SMYD3: variants seen among roughly 807,000 people sequenced by gnomAD.
The protein encoded by SMYD3 is histone-lysine N-methyltransferase SMYD3.
Under a neutral mutation model 57.7 loss-of-function variants are expected in SMYD3, and 36 were observed. The ratio of observed to expected loss-of-function variants is 0.62; its 90% CI spans 0.48 to 0.82. SMYD3 has a LOEUF of 0.82. Among genes scored for constraint, SMYD3 ranks in the 40% least tolerant of loss-of-function variants. SMYD3 has a pLI of 0.00. For missense variants in SMYD3, 515 were observed against 538.8 expected (o/e 0.96, Z 0.44); for synonymous variants, 211 against 195.0 (o/e 1.08, Z -0.68).
chr1:246,233,245 A>G (rs1223327915), intron 5 of SMYD3, among the ~76,000 whole-genome samples: 3 of 105,670 alleles, frequency 2.8e-5, no homozygotes, highest in African/African-American at 7.3e-5. Flanking sequence ...GAGGAGAAGC[A>G]CTCCTTCAAT....
chr1:246,264,672 A>G (rs749579007), intron 5 of SMYD3, among the ~76,000 whole-genome samples: 10 of 152,204 alleles, frequency 6.6e-5, no homozygotes, highest in Non-Finnish European at 1.5e-4. Context: ...AAGAGTATGC[A>G]ATCTGAACCA....
In SMYD3 at chr1:246,049,267, G is replaced by A. The variant is rs545583796; in HGVS notation, c.532-119330C>T. Among the ~76,000 whole-genome samples the A allele has an allele frequency of 3.3e-5, 5 of 152,124 alleles. No individual in the cohort carries two copies. The South Asian group carries it at 6.2e-4, about 19-fold the overall frequency. ...AAGCCACCTCACAAAAAACAGAGTCGTTAAATATATACTATGTGTTTTTTT... is the reference window on the plus strand; with the variant it reads ...AAGCCACCTCACAAAAAACAGAGTCATTAAATATATACTATGTGTTTTTTT... On this transcript the variant is annotated intron_variant, in intron 5 of 11. Transcript: ENST00000490107.
chr1:246,358,317 A>AT (rs2148709873), intron 1 of SMYD3, among the ~76,000 whole-genome samples: 1 of 152,306 alleles, frequency 6.6e-6, no homozygotes, highest in East Asian at 1.9e-4. Flanking sequence ...TTATAAAACA[A>AT]TTACTAATAG....
At chr1:245,814,157 G>A (rs1331568819) in intron 10 of SMYD3, among the ~76,000 whole-genome samples, 1 of 152,062 alleles carries the variant, frequency 6.6e-6, no homozygotes, top group Non-Finnish European at 1.5e-5. Context: ...TCTAGCCTGG[G>A]AGGAAAACGT....
chr1:245,797,848 AGGTGG>A (rs2047614289), intron 10 of SMYD3, among the ~76,000 whole-genome samples: 1 of 138,938 alleles, frequency 7.2e-6, no homozygotes, highest in African/African-American at 2.5e-5. Context: ...AAAAAAAAAA[AGGTGG>A]ATCAAGACAC....
intron 2 of SMYD3, among the ~76,000 whole-genome samples, chr1:246,343,602 T>A (rs2065664175): frequency 6.6e-6 from 1 of 152,168 alleles, no homozygotes; most frequent in Admixed American, 6.5e-5. Context: ...GAAAAATAGA[T>A]GAGAAAGAGA....
intron 10 of SMYD3, among the ~76,000 whole-genome samples, chr1:245,766,914 G>C (rs1361128814): frequency 6.6e-6 from 1 of 152,110 alleles, no homozygotes; most frequent in Non-Finnish European, 1.5e-5. Context: ...GCTTGTCCAG[G>C]GGCACTTCCA....
At chr1:246,361,042 T>A (rs1226734013) in intron 1 of SMYD3, among the ~76,000 whole-genome samples, 1 of 152,086 alleles carries the variant, frequency 6.6e-6, no homozygotes, top group Admixed American at 6.6e-5. Context: ...ATCTTCACAA[T>A]CTATACATCC....
At chr1:246,302,965 T>C (rs1397667503) in intron 5 of SMYD3, among the ~76,000 whole-genome samples, 1 of 152,124 alleles carries the variant, frequency 6.6e-6, no homozygotes, top group Non-Finnish European at 1.5e-5. Flanking sequence ...ACCACAAATA[T>C]GTGGGTCTTC....
intron 5 of SMYD3, among the ~76,000 whole-genome samples, chr1:245,953,693 A>G (rs1254269999): frequency 6.6e-6 from 1 of 152,162 alleles, no homozygotes; most frequent in East Asian, 1.9e-4. Context: ...TGCCGGGATC[A>G]CAGGCATGAG....
chr1:245,781,617 T>C (rs1004182757), intron 10 of SMYD3, among the ~76,000 whole-genome samples: 3 of 152,324 alleles, frequency 2.0e-5, no homozygotes, highest in South Asian at 2.1e-4. Flanking sequence ...ATTAAAAATA[T>C]ACAATTTAAA....
intron 1 of SMYD3, among the ~76,000 whole-genome samples, chr1:246,486,389 AACT>A (rs2068188169): frequency 2.0e-5 from 3 of 152,186 alleles, no homozygotes; most frequent in Admixed American, 2.0e-4. Flanking sequence ...TTCATCTAAT[AACT>A]ACCTGAACTT....
Position 245,971,487 on chromosome 1 carries a change from C to A in SMYD3, c.532-41550G>T, listed in dbSNP as rs111282351. Among the ~76,000 whole-genome samples the A allele has an allele frequency of 9.6e-4, 146 of 152,244 alleles. 1 individual carries two copies. The highest frequency in any genetic ancestry group is 3.1e-3 in the African/African-American group (129 of 41,540). ...TGTGTCATTTGAGTAGCTCATTGCA[C>A]CCAAACTGGCTATTGCACAATTTCA... On this transcript the variant is annotated intron_variant, in intron 5 of 11. Coordinates refer to ENST00000490107, the MANE Select transcript of SMYD3 (RefSeq NM_001167740.2).
At chr1:245,818,867 A>AAT (rs2049000290) in intron 10 of SMYD3, among the ~76,000 whole-genome samples, 1 of 147,850 alleles carries the variant, frequency 6.8e-6, no homozygotes, top group Non-Finnish European at 1.5e-5. Flanking sequence ...ATATGCATCC[A>AAT]ATACAGGAGC....
chr1:245,871,645 A>G (rs887649687), intron 8 of SMYD3, among the ~76,000 whole-genome samples: 21 of 152,222 alleles, frequency 1.4e-4, no homozygotes, highest in African/African-American at 5.1e-4. Flanking sequence ...AAGATGTGGA[A>G]CTGAATCCCT....
At chr1:245,907,039 AGT>A (rs1558480838) in intron 8 of SMYD3, among the ~76,000 whole-genome samples, 1 of 151,872 alleles carries the variant, frequency 6.6e-6, no homozygotes, top group African/African-American at 2.4e-5. Context: ...GGACAGAGAG[AGT>A]AGAAGGAGGC....
intron 10 of SMYD3, among the ~76,000 whole-genome samples, chr1:245,786,218 G>GGGGC (rs1553321391): frequency 6.8e-6 from 1 of 147,576 alleles, no homozygotes; most frequent in African/African-American, 2.5e-5. Context: ...GTGGACGGGG[G>GGGGC]GGGGATGGTG....
intron 10 of SMYD3, among the ~76,000 whole-genome samples, chr1:245,805,910 T>A (rs185229102): frequency 1.3e-4 from 20 of 152,360 alleles, no homozygotes; most frequent in Admixed American, 1.1e-3. Flanking sequence ...AAGTTCCTTC[T>A]ACTGCTTCAG....
chr1:245,774,343 C>T (rs563127749), intron 10 of SMYD3, among the ~76,000 whole-genome samples: 7 of 152,256 alleles, frequency 4.6e-5, no homozygotes, highest in Admixed American at 4.6e-4. Flanking sequence ...CAGAAGGAAA[C>T]AGATTACATG....
Sources: allele counts gnomAD v4.1 joint callset (sites outside exome capture counted in the v4.1 genomes callset), GRCh38; gene constraint gnomAD v4.1.1; transcripts MANE v1.5; gene names NCBI Gene and HGNC (gene_info 2026-07-23, HGNC 2026-07-21).